The following CIT variants were observed in gnomAD, a reference collection of about 807,000 sequenced individuals.
CIT encodes citron Rho-interacting kinase.
In CIT, 79 loss-of-function variants were observed where a neutral mutation model predicts 272.7. That is an observed-to-expected ratio of 0.29 (90% confidence interval 0.24 to 0.35). CIT has a LOEUF of 0.35. Among genes scored for constraint, CIT ranks in the 10% least tolerant of loss-of-function variants. CIT has a pLI of 1.00. For missense variants in CIT, 1,909 were observed against 2,618.3 expected (o/e 0.73, Z 5.91); for synonymous variants, 948 against 995.6 (o/e 0.95, Z 0.90).
At chr12:119,871,952 T>A (rs1296917848) in intron 2 of CIT, among the ~76,000 whole-genome samples, 1 of 152,146 alleles carries the variant, frequency 6.6e-6, no homozygotes, top group African/African-American at 2.4e-5. Context: ...CTCAGAAAAA[T>A]AAAATGCTTT....
intron 23 of CIT, 69 bp downstream of exon 23, chr12:119,751,981 C>T: frequency 7.4e-7 from 1 of 1,352,906 alleles, no homozygotes. Context: ...CCAGTATACT[C>T]AGTGCCAGTT....
At chr12:119,781,813 A>G (rs1467552119) in intron 13 of CIT, among the ~76,000 whole-genome samples, 2 of 152,242 alleles carry the variant, frequency 1.3e-5, no homozygotes, top group Non-Finnish European at 2.9e-5. Context: ...ATATTTCTTT[A>G]TGTAAGTAAA....
chr12:119,755,305 C>T (rs1040930809), intron 22 of CIT, among the ~76,000 whole-genome samples: 2 of 152,158 alleles, frequency 1.3e-5, no homozygotes, highest in Admixed American at 1.3e-4. Flanking sequence ...GAGGAGTTCA[C>T]ACCTTGACAA....
intron 24 of CIT, among the ~76,000 whole-genome samples, chr12:119,740,688 T>C (rs542996602): frequency 1.1e-4 from 16 of 152,282 alleles, no homozygotes; most frequent in African/African-American, 3.9e-4. Context: ...ATTCCAGTCA[T>C]AAAATGATCT....
intron 19 of CIT, among the ~76,000 whole-genome samples, chr12:119,766,262 TGTG>T (rs1322974132): frequency 6.6e-6 from 1 of 151,520 alleles, no homozygotes; most frequent in African/African-American, 2.4e-5. Flanking sequence ...AGAAAGAAAA[TGTG>T]GTACAGATAC....
At chr12:119,716,416 T>TAAAAAAAAAAAAAAAAAAA (rs1481968570) in intron 32 of CIT, among the ~76,000 whole-genome samples, 5 of 70,554 alleles carry the variant, frequency 7.1e-5, no homozygotes, top group African/African-American at 2.6e-4. Context: ...AAAAAAAAAG[T>TAAAAAAAAAAAAAAAAAAA]AAAGCTCTTT....
At chr12:119,794,994 T>C (rs140119641) in intron 10 of CIT, among the ~76,000 whole-genome samples, 3 of 152,306 alleles carry the variant, frequency 2.0e-5, no homozygotes, top group African/African-American at 7.2e-5. Context: ...AAACCCTGAG[T>C]TCAGCCCACG....
chr12:119,864,338 T>A (rs1172606093), intron 3 of CIT, among the ~76,000 whole-genome samples: 1 of 151,428 alleles, frequency 6.6e-6, no homozygotes, highest in Non-Finnish European at 1.5e-5. Flanking sequence ...TTGAAGGGGG[T>A]GTTGTTTTGT....
intron 9 of CIT, among the ~76,000 whole-genome samples, chr12:119,805,522 C>T (rs952267909): frequency 6.6e-6 from 1 of 152,208 alleles, no homozygotes; most frequent in East Asian, 1.9e-4. Flanking sequence ...AGAATCTGTA[C>T]TGAATGTTCA....
intron 5 of CIT, among the ~76,000 whole-genome samples, chr12:119,847,834 T>A (rs1185760566): frequency 6.6e-6 from 1 of 152,116 alleles, no homozygotes; most frequent in Admixed American, 6.5e-5. Flanking sequence ...GAGGTTGCAG[T>A]GAGCTGAGAT....
chr12:119,731,253 T>C (rs1164761239), intron 26 of CIT, among the ~76,000 whole-genome samples: 1 of 152,040 alleles, frequency 6.6e-6, no homozygotes, highest in Admixed American at 6.6e-5. Context: ...GGTGGGCAGA[T>C]CACCTGAGGT....
intron 28 of CIT, among the ~76,000 whole-genome samples, chr12:119,722,357 T>G (rs1353390302): frequency 6.6e-6 from 1 of 152,158 alleles, no homozygotes; most frequent in Non-Finnish European, 1.5e-5. Flanking sequence ...AGAGAGCTAC[T>G]CAAAGCAATA....
rs1957690682 is a variant in CIT at position 119,718,978 on chromosome 12, G to A, written c.3841-117C>T. ...AAAGCCAGGAGCATACTCACTGTAAGTGTATTTAGTAAAAATGGCATGTGA... is the reference window on the plus strand; with the variant it reads ...AAAGCCAGGAGCATACTCACTGTAAATGTATTTAGTAAAAATGGCATGTGA... On this transcript the variant is annotated intron_variant, in intron 30 of 47. Transcript: ENST00000392521. The surrounding 1 kb of genome is among the most constrained non-coding windows in gnomAD (Gnocchi z 4.8). The A allele has an allele frequency of 1.0e-6, 1 of 978,226 alleles. No individual in the cohort carries two copies. Among genetic ancestry groups the A allele is most frequent in the Admixed American group, 2.5e-5 (1 of 40,088 alleles). 60.6% of individuals were successfully genotyped at this position (978,226 alleles called of 1,614,324 possible).
At chr12:119,790,581 G>GA (rs1233915415) in intron 10 of CIT, among the ~76,000 whole-genome samples, 1 of 152,150 alleles carries the variant, frequency 6.6e-6, no homozygotes, top group African/African-American at 2.4e-5. Flanking sequence ...GTGTGAGAGA[G>GA]AGAGACACCC....
chr12:119,721,423 G>T lies in CIT; in HGVS notation c.3618C>A (p.Asp1206Glu). ...GACGGAAAATGTGATTTTTCTGCAG[G>T]TCCATCTGCTGCTGTAATTTGGCTT... ...EEQAKLQQQM[D>E]LQKNHIFRLT... Residue 1206 changes from aspartate to glutamate, a missense_variant, in exon 29 of 48, where the codon GAC becomes GAA. Transcript: ENST00000392521. 3 of 1,609,302 alleles carry T rather than the reference G, an allele frequency of 1.9e-6. No homozygotes were observed. Among genetic ancestry groups the T allele is most frequent in the Non-Finnish European group, 2.6e-6 (3 of 1,176,174 alleles).
intron 24 of CIT, among the ~76,000 whole-genome samples, chr12:119,736,180 G>A (rs1958743337): frequency 6.6e-6 from 1 of 151,964 alleles, no homozygotes; most frequent in Admixed American, 6.6e-5. Flanking sequence ...GAAGTTTAAG[G>A]GCAATTTTCT....
At chr12:119,767,225 AC>A in intron 18 of CIT, 43 bp from the exon 19 acceptor site, 1 of 1,457,882 alleles carries the variant, frequency 6.9e-7, no homozygotes, top group Non-Finnish European at 9.5e-7. Flanking sequence ...AGAGGGCAGG[AC>A]ACCGCCAATG....
chr12:119,796,566 G>A (rs1388869196), intron 10 of CIT, among the ~76,000 whole-genome samples: 1 of 152,184 alleles, frequency 6.6e-6, no homozygotes, highest in Admixed American at 6.5e-5. Context: ...CTGAGTGAGC[G>A]AGTGGGTCTG....
intron 23 of CIT, among the ~76,000 whole-genome samples, chr12:119,747,493 G>A (rs1283763200): frequency 6.6e-6 from 1 of 151,718 alleles, no homozygotes; most frequent in Non-Finnish European, 1.5e-5. Flanking sequence ...GGCAGAGGCG[G>A]GTGGATCACA....
Sources: allele counts gnomAD v4.1 joint callset (sites outside exome capture counted in the v4.1 genomes callset), GRCh38; gene constraint gnomAD v4.1.1; non-coding constraint Gnocchi (gnomAD v3.1); transcripts MANE v1.5; gene names NCBI Gene and HGNC (gene_info 2026-07-23, HGNC 2026-07-21).